The following TRIM5 variants were observed in gnomAD, a reference collection of about 807,000 sequenced individuals.
The protein encoded by TRIM5 is tripartite motif-containing protein 5.
TRIM5 carries 31 observed loss-of-function variants against 35.6 expected under a neutral mutation model. The ratio of observed to expected loss-of-function variants is 0.87; its 90% confidence interval spans 0.65 to 1.18. TRIM5 has a LOEUF of 1.18. Among genes scored for constraint, TRIM5 ranks in the 50% most tolerant of loss-of-function variants. The pLI, the probability that TRIM5 is intolerant of heterozygous loss-of-function variation, is 0.00. For synonymous variants in TRIM5, 243 were observed against 215.6 expected (o/e 1.13, Z -1.11); for missense variants, 609 against 591.6 (o/e 1.03, Z -0.31).
chr11:5,634,492 TACACACACAC>T, the TRIM5 span: 283 of 228,022 alleles, frequency 1.2e-3, no homozygotes, highest in African/African-American at 6.3e-3. Context: ...ATAATATAAA[TACACACACAC>T]ACACACACAC....
At chr11:5,602,824 C>T in the TRIM5 span, among the ~76,000 whole-genome samples, 8 of 146,340 alleles carry the variant, frequency 5.5e-5, 1 homozygote, top group Non-Finnish European at 6.2e-5. Context: ...TGTTGTGGCA[C>T]GTGCCTGTAA....
downstream of TRIM5, among the ~76,000 whole-genome samples, chr11:5,662,978 A>C (rs549560401): frequency 6.6e-6 from 1 of 152,210 alleles, no homozygotes; most frequent in South Asian, 2.1e-4. Context: ...AAAATACAAA[A>C]AATAACCAGG....
the TRIM5 span, chr11:5,604,587 G>T: frequency 6.8e-6 from 11 of 1,613,278 alleles, no homozygotes; most frequent in Non-Finnish European, 9.3e-6. Flanking sequence ...AGGAAGCTGA[G>T]AAGCTAACAG....
chr11:5,666,378 TAA>T (rs397738949), intron 5 of TRIM5: 3,329 of 179,668 alleles, frequency 0.019, 35 homozygotes, highest in African/African-American at 0.04. Context: ...TCATAGGACA[TAA>T]AAAAAAAAAA....
At chr11:5,641,066 C>T in the TRIM5 span, 5 of 1,447,236 alleles carry the variant, frequency 3.5e-6, no homozygotes, top group Non-Finnish European at 4.6e-6. Context: ...ATATAACTCA[C>T]TTCTGATTTT....
the TRIM5 span, among the ~76,000 whole-genome samples, chr11:5,591,189 C>T: frequency 5.1e-4 from 78 of 152,258 alleles, no homozygotes; most frequent in South Asian, 8.3e-4. Context: ...TACCATTCAT[C>T]AAGATAAGTA....
the TRIM5 span, chr11:5,603,574 C>T: frequency 6.2e-7 from 1 of 1,613,682 alleles, no homozygotes; most frequent in Non-Finnish European, 8.5e-7. Flanking sequence ...AGTGTTGGGC[C>T]CTGGGAAGCA....
intron 5 of TRIM5, among the ~76,000 whole-genome samples, chr11:5,667,065 A>C (rs1851194625): frequency 6.6e-6 from 1 of 152,196 alleles, no homozygotes; most frequent in Admixed American, 6.5e-5. Context: ...AGATGTAGGT[A>C]ATAAAATGGT....
At chr11:5,645,876 AAAAAATATATATATATATATCTATATAT>A in the TRIM5 span, 1 of 147,246 alleles carries the variant, frequency 6.8e-6, no homozygotes, top group Non-Finnish European at 1.2e-5. Context: ...GGAAAAAAAA[AAAAAATATATATATATATATCTATATAT>A]AGATATATAT....
At chr11:5,609,858 G>A in the TRIM5 span, among the ~76,000 whole-genome samples, 1 of 152,196 alleles carries the variant, frequency 6.6e-6, no homozygotes, top group Non-Finnish European at 1.5e-5. Flanking sequence ...GGGAGGTGGA[G>A]GTTGCAGTGA....
chr11:5,603,128 T>C, the TRIM5 span: 1 of 1,484,820 alleles, frequency 6.7e-7, no homozygotes, highest in Admixed American at 2.4e-5. Context: ...GATATGAGAA[T>C]GAGAAGCCCT....
the TRIM5 span, among the ~76,000 whole-genome samples, chr11:5,593,532 AT>A: frequency 3.3e-5 from 5 of 151,846 alleles, no homozygotes; most frequent in African/African-American, 7.3e-5. Context: ...CTGAGTTTGT[AT>A]TTTTTTTATC....
chr11:5,677,357 T>C (rs1325896850), intron 4 of TRIM5, among the ~76,000 whole-genome samples: 1 of 152,212 alleles, frequency 6.6e-6, no homozygotes, highest in Non-Finnish European at 1.5e-5. Context: ...GAAAAAATGC[T>C]CATCATCACT....
chr11:5,630,560 A>G, the TRIM5 span, among the ~76,000 whole-genome samples: 2 of 152,210 alleles, frequency 1.3e-5, no homozygotes, highest in African/African-American at 2.4e-5. Context: ...TTATGATGCT[A>G]TGTCCTCCAT....
At chr11:5,672,757 G>A (rs1851671621) in intron 4 of TRIM5, among the ~76,000 whole-genome samples, 3 of 152,094 alleles carry the variant, frequency 2.0e-5, no homozygotes, top group Admixed American at 6.6e-5. Flanking sequence ...ATATGCATGT[G>A]AGATATATGA....
At chr11:5,618,771 G>C in the TRIM5 span, among the ~76,000 whole-genome samples, 310 of 152,238 alleles carry the variant, frequency 2.0e-3, 2 homozygotes, top group African/African-American at 7.1e-3. Flanking sequence ...TATACTCTGG[G>C]GGAGAAAAGA....
rs777735721 is a variant in TRIM5 at position 5,678,368 on chromosome 11, A to C, written c.580T>G (p.Trp194Gly). Residue 194 changes from tryptophan (W) to glycine (G), a missense_variant, in exon 4 of 8, where the codon TGG (tryptophan) becomes GGG (glycine). Transcript: ENST00000380034. ...DFEQLRDILDWEESNELQNLE... is the reference protein window; with the variant it reads ...DFEQLRDILDGEESNELQNLE... ...TTTTGCAGCTCATTGCTCTCCTCCC[A>C]GTCCAGGATGTCTCTCAGTTGCTCA... is the stretch of plus-strand genomic sequence containing the variant. 4 of 1,610,382 alleles carry C rather than the reference A, an allele frequency of 2.5e-6. No homozygotes were observed. Among genetic ancestry groups the C allele is most frequent in the Non-Finnish European group, 3.4e-6 (4 of 1,177,230 alleles).
the TRIM5 span, among the ~76,000 whole-genome samples, chr11:5,602,276 T>A: frequency 6.6e-6 from 1 of 151,662 alleles, no homozygotes. Context: ...TCATCTCTAC[T>A]AAAAAATACA....
chr11:5,617,872 A>G, the TRIM5 span, among the ~76,000 whole-genome samples: 13 of 152,266 alleles, frequency 8.5e-5, no homozygotes, highest in East Asian at 3.9e-4. Context: ...ATGGAGGTAC[A>G]GTGAGATGAA....
Sources: allele counts gnomAD v4.1 joint callset (sites outside exome capture counted in the v4.1 genomes callset), GRCh38; gene constraint gnomAD v4.1.1; transcripts MANE v1.5; gene names NCBI Gene and HGNC (gene_info 2026-07-23, HGNC 2026-07-21).